Variants in TCHH observed in about 807,000 individuals in gnomAD.
The protein encoded by TCHH is trichohyalin.
TCHH carries 6 observed loss-of-function variants against 6.3 expected under a neutral mutation model. The ratio of observed to expected loss-of-function variants is 0.95; its 90% confidence interval spans 0.52 to 1.88. The LOEUF is 1.88. Ranked by LOEUF, TCHH falls within the 40% of genes most tolerant of loss-of-function variation. TCHH has a pLI of 0.01. For missense variants in TCHH, 2,920 were observed against 2,449.1 expected, an observed-to-expected ratio of 1.19 and a Z score of -4.06; for synonymous variants, 1,087 against 963.6, an observed-to-expected ratio of 1.13 and a Z score of -2.37.
rs1271108849 is a variant in TCHH at position 152,107,056 on chromosome 1, T to A, written c.*329A>T. The stretch of plus-strand genomic sequence containing the variant: ...ATCTCAAATCATCCTATTACTCTTG[T>A]TACTTCTGAAAGCAATAAATGAACA... On this transcript the variant is annotated 3_prime_UTR_variant, in exon 3 of 3. Transcript: ENST00000614923. 3 of 201,564 alleles carry A rather than the reference T, an allele frequency of 1.5e-5. No homozygotes were observed. The highest frequency in any genetic ancestry group is 1.1e-4 in the Admixed American group (2 of 18,912). 12.5% of individuals were successfully genotyped at this position (201,564 alleles called of 1,614,324 possible). A position where few individuals can be genotyped will look rare whatever the true frequency, so the allele number is the denominator to read the frequency against.
chr1:152,109,493 A>G lies in TCHH; in HGVS notation c.3724T>C (p.Cys1242Arg). 3 of 1,614,168 alleles carry G rather than the reference A, an allele frequency of 1.9e-6. No homozygotes were observed. Among genetic ancestry groups the G allele is most frequent in the East Asian group, 2.2e-5 (1 of 44,904 alleles). ...ENAVRDNKVY[C>R]KGRENEQFRQ... ...AACTGTTCATTCTCTCTGCCTTTGC[A>G]GTAAACCTTGTTATCACGAACTGCA... Residue 1242 changes from cysteine to arginine, a missense_variant, in exon 3 of 3, where the codon TGC becomes CGC. Cys to Arg is a radical substitution (Grantham distance 180, BLOSUM62 -3). Transcript: ENST00000614923.
rs779512937 is a variant in TCHH at position 152,107,374 on chromosome 1, G to A, written c.*11C>T. 2 of 1,531,342 alleles carry A rather than the reference G, an allele frequency of 1.3e-6. No individual in the cohort carries two copies. The highest frequency in any genetic ancestry group is 1.3e-5 in the South Asian group (1 of 76,872). 94.9% of individuals were successfully genotyped at this position (1,531,342 alleles called of 1,614,324 possible). A position where few individuals can be genotyped will look rare whatever the true frequency, so the allele number is the denominator to read the frequency against. On this transcript the variant is annotated 3_prime_UTR_variant, in exon 3 of 3. Transcript: ENST00000614923. Reference sequence around the variant, plus strand: ...AAGCTTTGGCAGGTGTCAAGATATTGGCAACATCACTTAAGGGCGGTATTG... The same window carrying A: ...AAGCTTTGGCAGGTGTCAAGATATTAGCAACATCACTTAAGGGCGGTATTG...
Position 152,110,503 on chromosome 1 carries a change from A to T in TCHH, c.2714T>A (p.Leu905Gln). ...LQEQLRKEQQLLQEEEEELQR... is the reference protein window; with the variant it reads ...LQEQLRKEQQQLQEEEEELQR... ...TAGCTCCTCCTCCTCCTCCTGCAGCAGCTGCTGTTCCTTCCTCAGCTGCTC... is the reference window on the plus strand; with the variant it reads ...TAGCTCCTCCTCCTCCTCCTGCAGCTGCTGCTGTTCCTTCCTCAGCTGCTC... Residue 905 changes from leucine (L) to glutamine (Q), a missense_variant, in exon 3 of 3, where the codon CTG becomes CAG. Transcript: ENST00000614923. 5 of 1,613,806 alleles carry T rather than the reference A, an allele frequency of 3.1e-6. No homozygotes were observed. The highest frequency in any genetic ancestry group is 4.2e-6 in the Non-Finnish European group (5 of 1,179,926).
chr1:152,109,482 T>C lies in TCHH; in HGVS notation c.3735A>G (p.Arg1245=), dbSNP rs1488771042. The change falls in exon 3 of 3, where the codon AGA becomes AGG. Residue 1245 remains arginine, a synonymous_variant. Coordinates refer to ENST00000614923, the MANE Select transcript of TCHH (RefSeq NM_007113.4). ...VRDNKVYCKG[R]ENEQFRQLED... The stretch of plus-strand genomic sequence containing the variant: ...CCAACTGCCGGAACTGTTCATTCTC[T>C]CTGCCTTTGCAGTAAACCTTGTTAT... 1.2e-6 allele frequency: 2 copies of C among 1,614,138 alleles called. No homozygotes were observed. The highest frequency in any genetic ancestry group is 2.7e-5 in the African/African-American group (2 of 74,944).
rs1367931697 is a variant in TCHH, at chr1:152,107,763, G to A, written c.5454C>T (p.Asp1818=). The change falls in exon 3 of 3, where the codon GAC becomes GAT. Residue 1818 remains aspartate, a synonymous_variant. Coordinates refer to ENST00000614923, the MANE Select transcript of TCHH (RefSeq NM_007113.4). The part of the protein sequence containing the change: ...EEQQLRPQQR[D]GKYRWEEEQL... Reference sequence around the variant, plus strand: ...GCTCTTCTTCCCAGCGATACTTTCCGTCACGCTGTTGGGGGCGCAGCTGCT... The same window carrying A: ...GCTCTTCTTCCCAGCGATACTTTCCATCACGCTGTTGGGGGCGCAGCTGCT... The A allele has an allele frequency of 1.2e-6, 2 of 1,614,226 alleles. No individual in the cohort carries two copies. Among genetic ancestry groups the A allele is most frequent in the Non-Finnish European group, 1.7e-6 (2 of 1,180,050 alleles).
chr1:152,112,463 C>G lies in TCHH; in HGVS notation c.754G>C (p.Val252Leu), dbSNP rs1258162335. The G allele has an allele frequency of 1.9e-6, 3 of 1,613,682 alleles. No homozygotes were observed. The highest frequency in any genetic ancestry group is 2.2e-5 in the East Asian group (1 of 44,836). ...AACTTCTCTTCTTCCTTCCGGAGCA[C>G]TGTCTCGCGCTTCCTCCACTCTTTC... ...EEKEWRKRET[V>L]LRKEEEKLQE... Residue 252 changes from valine to leucine, a missense_variant, in exon 3 of 3, where the codon GTG becomes CTG. By Grantham distance (32) the Val-to-Leu change is conservative (BLOSUM62 1). Transcript: ENST00000614923.
In TCHH at chr1:152,107,966, C is replaced by T; in HGVS notation, c.5251G>A (p.Glu1751Lys). 1 of 1,611,116 alleles carries T rather than the reference C, an allele frequency of 6.2e-7. No individual in the cohort carries two copies. Among genetic ancestry groups the T allele is most frequent in the South Asian group, 1.1e-5 (1 of 90,906 alleles). ...RRQERYRKIL[E>K]EEQLRPEREE... ...CTTTCCGGACGGAGCTGCTCTTCCTCTAGGATTTTTCTGTAGCGTTCTTGG... is the reference window on the plus strand; with the variant it reads ...CTTTCCGGACGGAGCTGCTCTTCCTTTAGGATTTTTCTGTAGCGTTCTTGG... The change falls in exon 3 of 3, where the codon GAG becomes AAG. Residue 1751 changes from glutamate (E) to lysine (K), a missense_variant. Transcript: ENST00000614923.
At chr1:152,113,207 A>G (rs1645692959) in intron 2 of TCHH, 129 bp from the exon 3 acceptor site, 1 of 948,572 alleles carries the variant, frequency 1.1e-6, no homozygotes. Context: ...AAAAATGTCC[A>G]GTGTGTATCA....
chr1:152,107,566 T>C lies in TCHH; in HGVS notation c.5651A>G (p.His1884Arg), dbSNP rs774169504. Residue 1884 changes from histidine to arginine, a missense_variant, in exon 3 of 3, where the codon CAC (histidine) becomes CGC (arginine). Transcript: ENST00000614923. ...TTCCTCCTTCTGCTGGCGGCGGATG[T>C]GTTCTTCCCGTAATTTCCTTTCCCG... ...QERERKLREE[H>R]IRRQQKEEQR... The C allele has an allele frequency of 1.2e-6, 2 of 1,613,968 alleles. No homozygotes were observed. The highest frequency in any genetic ancestry group is 1.7e-6 in the Non-Finnish European group (2 of 1,180,014).
At position 152,107,679 on chromosome 1, in the gene TCHH, C is replaced by T; in HGVS notation, c.5538G>A (p.Arg1846=). 6.2e-7 allele frequency: 1 copy of T among 1,614,162 alleles called. No individual in the cohort carries two copies. Among genetic ancestry groups the T allele is most frequent in the Non-Finnish European group, 8.5e-7 (1 of 1,180,048 alleles). Residue 1846 remains arginine (R), a synonymous_variant, in exon 3 of 3, where the codon CGG becomes CGA. Coordinates refer to ENST00000614923, the MANE Select transcript of TCHH (RefSeq NM_007113.4). Reference sequence around the variant, plus strand: ...CCTGCGTGGCAAACTGCTCCTCCGCCCGGTACTGCCGGTCTCGCTCCTGCC... The same window carrying T: ...CCTGCGTGGCAAACTGCTCCTCCGCTCGGTACTGCCGGTCTCGCTCCTGCC... ...RLRQERDRQY[R]AEEQFATQEK... is the part of the protein sequence containing the mutation.
Position 152,112,860 on chromosome 1 carries a change from T to C in TCHH, c.357A>G (p.Gln119=). 2 of 1,613,918 alleles carry C rather than the reference T, an allele frequency of 1.2e-6. No homozygotes were observed. Among genetic ancestry groups the C allele is most frequent in the Non-Finnish European group, 1.7e-6 (2 of 1,180,008 alleles). ...GTCTGTCCCGGGGCTCGAATCTCCTTTGGTCTTCTTCTTGCCTGCGATCTT... is the reference window on the plus strand; with the variant it reads ...GTCTGTCCCGGGGCTCGAATCTCCTCTGGTCTTCTTCTTGCCTGCGATCTT... ...LLQDRRQEED[Q]RRFEPRDRQL... The change falls in exon 3 of 3, where the codon CAA becomes CAG. Residue 119 remains glutamine (Q), a synonymous_variant. Transcript: ENST00000614923.
rs1293777991 is a variant in TCHH, at chr1:152,111,491, C to G, written c.1726G>C (p.Asp576His). ...TCCTCCTCGCGCTTCAGCAGCTGAT[C>G]GCGCCTCTCCTCCTGCTCGCGCTTC... is the stretch of plus-strand genomic sequence containing the variant. ...RLKREQEERR[D>H]QLLKREEERR... The change falls in exon 3 of 3, where the codon GAT (aspartate) becomes CAT (histidine). Residue 576 changes from aspartate to histidine, a missense_variant. Physicochemically the swap from Asp to His is moderately conservative, Grantham distance 81. Coordinates refer to ENST00000614923, the MANE Select transcript of TCHH (RefSeq NM_007113.4). 2 of 1,587,588 alleles carry G rather than the reference C, an allele frequency of 1.3e-6. No homozygotes were observed. The highest frequency in any genetic ancestry group is 1.1e-5 in the South Asian group (1 of 90,060).
chr1:152,109,920 C>T lies in TCHH; in HGVS notation c.3297G>A (p.Glu1099=). The T allele has an allele frequency of 6.3e-7, 1 of 1,591,698 alleles. No homozygotes were observed. Among genetic ancestry groups the T allele is most frequent in the Non-Finnish European group, 8.5e-7 (1 of 1,171,176 alleles). Residue 1099 remains glutamate, a synonymous_variant, in exon 3 of 3, where the codon GAG becomes GAA. Transcript: ENST00000614923. The part of the protein sequence containing the change: ...EEEQLLREEP[E]KRRRQERERQ... ...TCTCCCGCTCCTGGCGCCTTCTCTTCTCCGGTTCCTCTCTCAGCAGCTGCT... is the reference window on the plus strand; with the variant it reads ...TCTCCCGCTCCTGGCGCCTTCTCTTTTCCGGTTCCTCTCTCAGCAGCTGCT...
Position 152,107,731 on chromosome 1 carries a change from T to G in TCHH, c.5486A>C (p.Gln1829Pro), listed in dbSNP as rs1658147974. The G allele has an allele frequency of 6.2e-7, 1 of 1,614,120 alleles. No homozygotes were observed. The highest frequency in any genetic ancestry group is 1.3e-5 in the African/African-American group (1 of 74,938). Residue 1829 changes from glutamine to proline, a missense_variant, in exon 3 of 3, where the codon CAA becomes CCA. By Grantham distance (76) the Gln-to-Pro change is moderately conservative (BLOSUM62 -1). Transcript: ENST00000614923. ...CAGCCTCTGCTCTTGTTCCTCAAGT[T>G]GGAGCTGCTCTTCTTCCCAGCGATA... ...GKYRWEEEQLQLEEQEQRLRQ... is the reference protein window; with the variant it reads ...GKYRWEEEQLPLEEQEQRLRQ...
chr1:152,108,606 T>TA lies in TCHH; in HGVS notation c.4610_4611insT (p.Glu1537AspfsTer18), dbSNP rs763333329. 2 of 1,600,838 alleles carry TA rather than the reference T, an allele frequency of 1.2e-6. No individual in the cohort carries two copies. The highest frequency in any genetic ancestry group is 3.6e-5 in the Admixed American group (2 of 55,930). ...CGCGCTCCTGGCGGCGCAGCTGCTG[T>TA]TCCTCCTGGAGGAATTTTCTCTGCC... On this transcript the variant is annotated frameshift_variant, in exon 3 of 3. Coordinates refer to ENST00000614923, the MANE Select transcript of TCHH (RefSeq NM_007113.4). LOFTEE classifies it low-confidence loss of function (END_TRUNC).
chr1:152,110,644 T>C lies in TCHH; in HGVS notation c.2573A>G (p.Glu858Gly). 6.2e-7 allele frequency: 1 copy of C among 1,613,286 alleles called. No individual in the cohort carries two copies. Among genetic ancestry groups the C allele is most frequent in the Non-Finnish European group, 8.5e-7 (1 of 1,179,822 alleles). ...CTGGCTTCGCCTCCTCTCCTGATCC[T>C]CCTGGAGGCCGTCCTCCTCCTCCTG... The part of the protein sequence containing the change: ...QLQEEEDGLQ[E>G]DQERRRSQEQ... The change falls in exon 3 of 3, where the codon GAG (glutamate) becomes GGG (glycine). Residue 858 changes from glutamate to glycine, a missense_variant. Physicochemically the swap from Glu to Gly is moderately conservative, Grantham distance 98. Transcript: ENST00000614923.
Position 152,107,241 on chromosome 1 carries a change from G to T in TCHH, c.*144C>A. 1.1e-6 allele frequency: 1 copy of T among 879,410 alleles called. No homozygotes were observed. Among genetic ancestry groups the T allele is most frequent in the Non-Finnish European group, 1.7e-6 (1 of 586,340 alleles). 54.5% of individuals were successfully genotyped at this position (879,410 alleles called of 1,614,324 possible). ...GTACAAAGTGCGTAAAATGAGCGTA[G>T]TTTAAGATTTTGGAAGAAAAGACAT... is the stretch of plus-strand genomic sequence containing the variant. On this transcript the variant is annotated 3_prime_UTR_variant, in exon 3 of 3. Transcript: ENST00000614923.
intron 1 of TCHH, among the ~76,000 whole-genome samples, chr1:152,114,637 G>C (rs1323725275): frequency 6.6e-6 from 1 of 152,142 alleles, no homozygotes; most frequent in African/African-American, 2.4e-5. Flanking sequence ...AAAGGATTTA[G>C]GAACTCTTAT....
In TCHH at chr1:152,110,681, C is replaced by T; in HGVS notation, c.2536G>A (p.Ala846Thr). 1.9e-6 allele frequency: 3 copies of T among 1,612,556 alleles called. No individual in the cohort carries two copies. Among genetic ancestry groups the T allele is most frequent in the Non-Finnish European group, 2.5e-6 (3 of 1,179,734 alleles). Residue 846 changes from alanine to threonine, a missense_variant, in exon 3 of 3, where the codon GCC becomes ACC. Ala to Thr is a moderately conservative substitution (Grantham distance 58). Transcript: ENST00000614923. Reference sequence around the variant, plus strand: ...TCCTCCTCCTCCTGGAGCTGTTGGGCACGCTCCCGCCGCTGGAGCTGCTCC... The same window carrying T: ...TCCTCCTCCTCCTGGAGCTGTTGGGTACGCTCCCGCCGCTGGAGCTGCTCC... Reference protein sequence around the residue: ...EEEQLQRRERAQQLQEEEDGL... With the variant: ...EEEQLQRRERTQQLQEEEDGL...
Sources: gnomAD v4.1 joint callset for allele counts (sites outside exome capture counted in the v4.1 genomes callset) on GRCh38, gnomAD v4.1.1 for gene constraint, MANE v1.5 for transcripts, NCBI Gene and HGNC (gene_info 2026-07-23, HGNC 2026-07-21) for gene names.